DYNC1I1: variants seen among roughly 807,000 people sequenced by gnomAD.
DYNC1I1 encodes cytoplasmic dynein 1 intermediate chain 1.
In DYNC1I1, 43 loss-of-function variants were observed where a neutral mutation model predicts 86.6. That is an observed-to-expected ratio of 0.50 (90% confidence interval 0.39 to 0.64). DYNC1I1 has a LOEUF of 0.64. DYNC1I1 is among the 30% of genes least tolerant of loss of function. The pLI is 0.00. For synonymous variants in DYNC1I1, 262 were observed against 283.7 expected, an observed-to-expected ratio of 0.92 and a Z score of 0.77; for missense variants, 604 against 788.8, an observed-to-expected ratio of 0.77 and a Z score of 2.81.
At chr7:95,832,231 T>G (rs1788928926) in intron 5 of DYNC1I1, among the ~76,000 whole-genome samples, 1 of 131,428 alleles carries the variant, frequency 7.6e-6, no homozygotes, top group African/African-American at 3.1e-5. Flanking sequence ...CGGTTTTTTG[T>G]TCTTGTGATA....
intron 2 of DYNC1I1, among the ~76,000 whole-genome samples, chr7:95,808,051 T>C (rs73708597): frequency 0.01 from 1,597 of 152,194 alleles, 21 homozygotes; most frequent in African/African-American, 0.036. Flanking sequence ...GAGAGGCACG[T>C]CCCAGACATC....
At chr7:95,969,830 G>A (rs1438790877) in intron 6 of DYNC1I1, among the ~76,000 whole-genome samples, 1 of 152,118 alleles carries the variant, frequency 6.6e-6, no homozygotes, top group Non-Finnish European at 1.5e-5. Context: ...GTGTTAACAG[G>A]AGTGCTCTGT....
At chr7:95,998,079 G>GT (rs1384672322) in intron 10 of DYNC1I1, among the ~76,000 whole-genome samples, 1 of 152,194 alleles carries the variant, frequency 6.6e-6, no homozygotes, top group Non-Finnish European at 1.5e-5. Context: ...CAATATCTAC[G>GT]TGTTTCTGTA....
chr7:96,059,174 T>G (rs1358199278), intron 14 of DYNC1I1, among the ~76,000 whole-genome samples: 2 of 152,172 alleles, frequency 1.3e-5, no homozygotes, highest in East Asian at 3.9e-4. Context: ...CATTGGATCC[T>G]TAGCCAATAG....
chr7:95,817,194 G>A (rs1794965265), intron 4 of DYNC1I1, among the ~76,000 whole-genome samples: 2 of 151,056 alleles, frequency 1.3e-5, no homozygotes, highest in South Asian at 4.2e-4. Flanking sequence ...GACCAGCCTG[G>A]GCAACATAAC....
At chr7:95,852,941 T>A (rs760610841) in intron 5 of DYNC1I1, among the ~76,000 whole-genome samples, 53 of 152,224 alleles carry the variant, frequency 3.5e-4, no homozygotes, top group Non-Finnish European at 6.0e-4. Context: ...AAACTTTTAT[T>A]CCATGTTTTT....
chr7:96,032,351 A>G (rs1227647983), intron 11 of DYNC1I1, among the ~76,000 whole-genome samples: 1 of 152,098 alleles, frequency 6.6e-6, no homozygotes. Flanking sequence ...AGACTTATTC[A>G]AGTAGTTCAA....
chr7:95,891,850 C>T (rs16868949), intron 6 of DYNC1I1, among the ~76,000 whole-genome samples: 4,947 of 152,266 alleles, frequency 0.032, 240 homozygotes, highest in African/African-American at 0.1. Flanking sequence ...CGCATTTGTT[C>T]TGCCTGGTCT....
chr7:96,085,027 AAGCCC>A (rs1790637948), intron 16 of DYNC1I1, among the ~76,000 whole-genome samples: 5 of 152,128 alleles, frequency 3.3e-5, no homozygotes, highest in Admixed American at 3.3e-4. Context: ...ATCTCCATTC[AAGCCC>A]AGGTAGTCTT....
intron 6 of DYNC1I1, among the ~76,000 whole-genome samples, chr7:95,897,268 A>C (rs1790906710): frequency 4.6e-5 from 7 of 152,172 alleles, no homozygotes; most frequent in Admixed American, 4.6e-4. Context: ...ACTTTATAGA[A>C]AGGCACTTTA....
intron 6 of DYNC1I1, among the ~76,000 whole-genome samples, chr7:95,965,956 T>G (rs1164317705): frequency 2.0e-5 from 3 of 152,128 alleles, no homozygotes; most frequent in Non-Finnish European, 4.4e-5. Context: ...CTTTATCTAT[T>G]CCTTCTTTTT....
intron 1 of DYNC1I1, among the ~76,000 whole-genome samples, chr7:95,795,709 G>A (rs571417585): frequency 1.3e-4 from 20 of 151,940 alleles, no homozygotes; most frequent in Non-Finnish European, 2.6e-4. Flanking sequence ...ACACATAGAG[G>A]GGAGCAATAC....
chr7:96,045,841 AAGTACTAATAGAGATTTCTAGAAAAT>A (rs1311514869), intron 14 of DYNC1I1, among the ~76,000 whole-genome samples: 1 of 152,154 alleles, frequency 6.6e-6, no homozygotes, highest in African/African-American at 2.4e-5. Flanking sequence ...CCGGTGAAAT[AAGTACTAATAGAGATTTCTAGAAAAT>A]GCTCTGAGAC....
intron 6 of DYNC1I1, among the ~76,000 whole-genome samples, chr7:95,915,266 T>G (rs1791440701): frequency 6.6e-6 from 1 of 152,192 alleles, no homozygotes; most frequent in African/African-American, 2.4e-5. Flanking sequence ...CATTATTATC[T>G]CCAGTACAAC....
chr7:95,786,353 C>T (rs1301807929), intron 1 of DYNC1I1, among the ~76,000 whole-genome samples: 1 of 152,152 alleles, frequency 6.6e-6, no homozygotes, highest in Non-Finnish European at 1.5e-5. Flanking sequence ...TCTCACTGCT[C>T]CTCCTTTAGG....
At chr7:95,958,822 T>C (rs1792787208) in intron 6 of DYNC1I1, among the ~76,000 whole-genome samples, 1 of 152,184 alleles carries the variant, frequency 6.6e-6, no homozygotes, top group South Asian at 2.1e-4. Flanking sequence ...GTCTGTTAAT[T>C]CCATGTGCAG....
intron 6 of DYNC1I1, among the ~76,000 whole-genome samples, chr7:95,949,153 G>A (rs1319167715): frequency 2.6e-5 from 4 of 152,290 alleles, no homozygotes; most frequent in East Asian, 1.9e-4. Flanking sequence ...GAGGGTGGTC[G>A]AATGTAGATC....
chr7:96,045,789 T>G (rs778463154), intron 14 of DYNC1I1, among the ~76,000 whole-genome samples: 16 of 152,094 alleles, frequency 1.1e-4, no homozygotes, highest in Non-Finnish European at 7.4e-5. Context: ...GCAGGGGAAC[T>G]GTAGGAACAT....
At chr7:95,890,343 C>A (rs1790704906) in intron 6 of DYNC1I1, among the ~76,000 whole-genome samples, 2 of 151,290 alleles carry the variant, frequency 1.3e-5, no homozygotes, top group Admixed American at 1.3e-4. Context: ...AAGGCAAATA[C>A]CACATGTTCT....
Sources: allele counts gnomAD v4.1 joint callset (sites outside exome capture counted in the v4.1 genomes callset), GRCh38; gene constraint gnomAD v4.1.1; transcripts MANE v1.5; gene names NCBI Gene and HGNC (gene_info 2026-07-23, HGNC 2026-07-21).